The following MPPED2 variants were observed in gnomAD, a reference collection of about 807,000 sequenced individuals.
MPPED2 encodes metallophosphoesterase domain containing 2.
Under a neutral mutation model 33.0 loss-of-function variants are expected in MPPED2, and 5 were observed. That is an observed-to-expected ratio of 0.15 (90% confidence interval 0.08 to 0.32). MPPED2 has a LOEUF of 0.32. Ranked by LOEUF, MPPED2 falls within the 10% of genes least tolerant of loss-of-function variation. MPPED2 has a pLI of 1.00. For missense variants in MPPED2, 275 were observed against 372.1 expected, an observed-to-expected ratio of 0.74 and a Z score of 2.15; for synonymous variants, 136 against 141.9, an observed-to-expected ratio of 0.96 and a Z score of 0.29.
At chr11:30,542,412 G>T (rs957644358) in intron 2 of MPPED2, among the ~76,000 whole-genome samples, 1 of 128,728 alleles carries the variant, frequency 7.8e-6, no homozygotes, top group Non-Finnish European at 1.5e-5. Context: ...TCAGGAGTTC[G>T]AAATCAGCCT....
chr11:30,505,675 A>G (rs1952791048), intron 3 of MPPED2, among the ~76,000 whole-genome samples: 1 of 152,220 alleles, frequency 6.6e-6, no homozygotes, highest in Non-Finnish European at 1.5e-5. Context: ...AGAAAACCGC[A>G]TCCAAATCAA....
chr11:30,524,803 C>A (rs915507393), intron 3 of MPPED2, among the ~76,000 whole-genome samples: 2 of 152,074 alleles, frequency 1.3e-5, no homozygotes, highest in Non-Finnish European at 2.9e-5. Flanking sequence ...TTTAAAAGAA[C>A]AAGCAATATT....
At chr11:30,396,083 T>C (rs1434433032) in intron 6 of MPPED2, among the ~76,000 whole-genome samples, 1 of 152,178 alleles carries the variant, frequency 6.6e-6, no homozygotes, top group Admixed American at 6.5e-5. Flanking sequence ...GGATTTCAGA[T>C]CTCTGATCCA....
At chr11:30,552,091 C>T (rs567339933) in intron 2 of MPPED2, among the ~76,000 whole-genome samples, 1 of 152,284 alleles carries the variant, frequency 6.6e-6, no homozygotes, top group Admixed American at 6.5e-5. Context: ...AAAATCATGT[C>T]ATTTTACACT....
At chr11:30,582,170 T>G (rs1171030487) in intron 1 of MPPED2, among the ~76,000 whole-genome samples, 1 of 152,220 alleles carries the variant, frequency 6.6e-6, no homozygotes. Flanking sequence ...AGTCCTGTTC[T>G]AAGTACTGTA....
chr11:30,565,509 A>T (rs1430881685), intron 2 of MPPED2, among the ~76,000 whole-genome samples: 1 of 152,162 alleles, frequency 6.6e-6, no homozygotes, highest in African/African-American at 2.4e-5. Flanking sequence ...CCTACAGGGC[A>T]AAAAGCTCCT....
chr11:30,417,784 C>T (rs1948440524), intron 4 of MPPED2, 151 bp from the exon 5 acceptor site: 1 of 600,356 alleles, frequency 1.7e-6, no homozygotes, highest in African/African-American at 1.8e-5. Flanking sequence ...TTTTTGTTGA[C>T]TGCTTCAAAA....
exon 7 of MPPED2, chr11:30,388,525 T>C: frequency 1.8e-5 from 3 of 164,720 alleles, no homozygotes; most frequent in Admixed American, 6.2e-5. Context: ...TGGTAGGGGA[T>C]GCCGAGGCTT....
At chr11:30,396,179 G>A (rs1947838043) in intron 6 of MPPED2, among the ~76,000 whole-genome samples, 2 of 152,148 alleles carry the variant, frequency 1.3e-5, no homozygotes, top group South Asian at 4.1e-4. Context: ...ACTCCCCTGT[G>A]CAGGGACATA....
intron 2 of MPPED2, among the ~76,000 whole-genome samples, chr11:30,552,031 C>A (rs964051247): frequency 2.0e-5 from 3 of 152,174 alleles, no homozygotes; most frequent in African/African-American, 7.2e-5. Flanking sequence ...GTTCCAAATA[C>A]AGGTCTCTCA....
At chr11:30,527,574 G>A (rs1027420868) in intron 3 of MPPED2, among the ~76,000 whole-genome samples, 6 of 151,846 alleles carry the variant, frequency 4.0e-5, no homozygotes, top group East Asian at 1.9e-4. Context: ...GAAAGGAGAG[G>A]CCCTGCTGCC....
intron 4 of MPPED2, among the ~76,000 whole-genome samples, chr11:30,460,546 G>A (rs750991310): frequency 6.6e-5 from 10 of 152,112 alleles, no homozygotes; most frequent in East Asian, 1.9e-4. Flanking sequence ...CTGCTTGATC[G>A]CAGGAGTTCC....
At chr11:30,565,182 G>C (rs1446928405) in intron 2 of MPPED2, among the ~76,000 whole-genome samples, 1 of 152,124 alleles carries the variant, frequency 6.6e-6, no homozygotes, top group East Asian at 1.9e-4. Flanking sequence ...GCGCGCACCA[G>C]ATAATTTACA....
chr11:30,498,519 G>C (rs1041914714), intron 3 of MPPED2, among the ~76,000 whole-genome samples: 29 of 147,782 alleles, frequency 2.0e-4, no homozygotes, highest in African/African-American at 7.1e-4. Context: ...CTGTACTCCA[G>C]CCTGGGTGAC....
chr11:30,493,595 C>CA (rs5790817), intron 4 of MPPED2, among the ~76,000 whole-genome samples: 7 of 143,624 alleles, frequency 4.9e-5, no homozygotes, highest in East Asian at 2.0e-4. Flanking sequence ...TATACACCCT[C>CA]AAAAAAAAAA....
At chr11:30,548,083 C>G (rs1184594946) in intron 2 of MPPED2, among the ~76,000 whole-genome samples, 1 of 152,180 alleles carries the variant, frequency 6.6e-6, no homozygotes, top group East Asian at 1.9e-4. Flanking sequence ...CCATGGCTTT[C>G]CCACTACCTG....
intron 2 of MPPED2, among the ~76,000 whole-genome samples, chr11:30,575,807 G>A (rs1401415995): frequency 6.6e-6 from 1 of 152,144 alleles, no homozygotes; most frequent in Admixed American, 6.5e-5. Context: ...AGTAACTGGA[G>A]GTGGATGAGA....
At chr11:30,542,523 A>C (rs939523808) in intron 2 of MPPED2, among the ~76,000 whole-genome samples, 3 of 151,638 alleles carry the variant, frequency 2.0e-5, no homozygotes, top group Non-Finnish European at 4.4e-5. Flanking sequence ...CCAGCTACTC[A>C]GAAGGCTGAG....
At chr11:30,523,227 AG>A (rs374808625) in intron 3 of MPPED2, among the ~76,000 whole-genome samples, 304 of 152,308 alleles carry the variant, frequency 2.0e-3, no homozygotes, top group African/African-American at 7.0e-3. Context: ...TACAGCTTGA[AG>A]GGCCAGGAAA....
Sources: gnomAD v4.1 joint callset for allele counts (sites outside exome capture counted in the v4.1 genomes callset) on GRCh38, gnomAD v4.1.1 for gene constraint, MANE v1.5 for transcripts, NCBI Gene and HGNC (gene_info 2026-07-23, HGNC 2026-07-21) for gene names.